Variants in PSD3 observed in about 807,000 individuals in gnomAD.
The protein encoded by PSD3 is PH and SEC7 domain-containing protein 3.
PSD3 carries 49 observed loss-of-function variants against 105.5 expected under a neutral mutation model. The observed-to-expected ratio is 0.46, with a 90% CI of 0.37 to 0.59. The LOEUF (loss-of-function observed/expected upper bound fraction) is 0.59. Among genes scored for constraint, PSD3 ranks in the 20% least tolerant of loss-of-function variants. The pLI is 0.00. For synonymous variants in PSD3, 557 were observed against 457.8 expected, an observed-to-expected ratio of 1.22 and a Z score of -2.77; for missense variants, 1,561 against 1,263.8, an observed-to-expected ratio of 1.24 and a Z score of -3.57.
chr8:18,680,933 A>G lies in PSD3; in HGVS notation c.2173-25248T>C, dbSNP rs147263836. On this transcript the variant is annotated intron_variant, in intron 9 of 15. Coordinates refer to ENST00000327040, the MANE Select transcript of PSD3 (RefSeq NM_015310.4). ...ACAGTCCTTTAACACTTTTTTTCAA[A>G]TGAATATGAATAAATCAGAGAACAA... 3.3e-3 allele frequency among the ~76,000 whole-genome samples: 507 copies of G among 152,312 alleles called. 1 individual carries two copies. Among genetic ancestry groups the G allele is most frequent in the African/African-American group, 0.012 (491 of 41,584 alleles).
chr8:18,559,801 G>T (rs1018356352), intron 14 of PSD3, among the ~76,000 whole-genome samples: 5 of 152,122 alleles, frequency 3.3e-5, no homozygotes, highest in African/African-American at 7.2e-5. Context: ...ATGACAATAT[G>T]TGCAACATCT....
Position 18,867,721 on chromosome 8 carries a change from G to C in PSD3, c.1587C>G (p.Ser529Arg), listed in dbSNP as rs375940177. 2 of 1,613,838 alleles carry C rather than the reference G, an allele frequency of 1.2e-6. No homozygotes were observed. The highest frequency in any genetic ancestry group is 2.7e-5 in the African/African-American group (2 of 74,872). ...GGGTGCCTTTCGTGTAGATGGAGTC[G>C]CTGGCATCATTCAGCCCATTGGTGA... ...SGVTNGLNDA[S>R]DSIYTKGTPE... The change falls in exon 4 of 16, where the codon AGC becomes AGG. Residue 529 changes from serine (S) to arginine (R), a missense_variant. By Grantham distance (110) the Ser-to-Arg change is moderately radical. Transcript: ENST00000327040.
intron 9 of PSD3, among the ~76,000 whole-genome samples, chr8:18,678,587 G>T (rs761451964): frequency 5.3e-5 from 8 of 152,202 alleles, no homozygotes; most frequent in African/African-American, 1.9e-4. Context: ...CTAAGTGGGC[G>T]GATCGCCTGA....
At chr8:18,646,948 A>T (rs1808081487) in intron 10 of PSD3, among the ~76,000 whole-genome samples, 3 of 152,210 alleles carry the variant, frequency 2.0e-5, no homozygotes, top group African/African-American at 4.8e-5. Flanking sequence ...TATTTAGGCC[A>T]TTGGGTTGAA....
intron 9 of PSD3, among the ~76,000 whole-genome samples, chr8:18,716,196 C>T (rs1795257417): frequency 6.6e-6 from 1 of 152,152 alleles, no homozygotes; most frequent in Admixed American, 6.5e-5. Context: ...CAAAGAAAAA[C>T]TTCAAGGCTG....
chr8:18,971,935 G>T (rs1040973047), intron 1 of PSD3, among the ~76,000 whole-genome samples: 1 of 152,076 alleles, frequency 6.6e-6, no homozygotes, highest in Non-Finnish European at 1.5e-5. Flanking sequence ...AGCCTGGGAG[G>T]CAGAGGTTGC....
At position 18,801,263 on chromosome 8, in the gene PSD3, A is replaced by G. The variant is rs753434287; in HGVS notation, c.2023+7T>C. 6.7e-7 allele frequency: 1 copy of G among 1,481,552 alleles called. No homozygotes were observed. Among genetic ancestry groups the G allele is most frequent in the South Asian group, 1.2e-5 (1 of 83,582 alleles). 91.8% of individuals were successfully genotyped at this position (1,481,552 alleles called of 1,614,324 possible). ...AAAAAGAAATTCAAGGATTTGTATC[A>G]GATTACCTTGTGAAGCAATGGTATC... On this transcript the variant is annotated splice_region_variant and intron_variant, in intron 7 of 15. Coordinates refer to ENST00000327040, the MANE Select transcript of PSD3 (RefSeq NM_015310.4).
chr8:18,687,061 G>C (rs927881002), intron 9 of PSD3, among the ~76,000 whole-genome samples: 1 of 152,168 alleles, frequency 6.6e-6, no homozygotes, highest in Non-Finnish European at 1.5e-5. Context: ...GGCCAAAACA[G>C]AACCTGGTGA....
chr8:18,720,343 T>C (rs1038831913), intron 9 of PSD3, among the ~76,000 whole-genome samples: 5 of 151,550 alleles, frequency 3.3e-5, no homozygotes, highest in African/African-American at 1.2e-4. Flanking sequence ...TTGGATTCTC[T>C]GAGCCTCTTA....
chr8:18,614,292 G>A (rs1805487205), intron 11 of PSD3, among the ~76,000 whole-genome samples: 5 of 151,858 alleles, frequency 3.3e-5, no homozygotes, highest in South Asian at 2.1e-4. Context: ...AGGCAAGTAC[G>A]TTGGTTTGTT....
intron 9 of PSD3, among the ~76,000 whole-genome samples, chr8:18,699,054 G>A (rs535839006): frequency 1.3e-4 from 20 of 152,134 alleles, no homozygotes; most frequent in Non-Finnish European, 1.5e-5. Flanking sequence ...ATGCCTGTTT[G>A]TCCACCTAAA....
chr8:18,933,738 G>T (rs892413541), intron 2 of PSD3, among the ~76,000 whole-genome samples: 1 of 152,204 alleles, frequency 6.6e-6, no homozygotes, highest in African/African-American at 2.4e-5. Flanking sequence ...AAAGTGTTGG[G>T]ATTAGAGGTG....
intron 1 of PSD3, among the ~76,000 whole-genome samples, chr8:18,966,027 A>G (rs1032818799): frequency 3.3e-5 from 5 of 152,238 alleles, no homozygotes; most frequent in African/African-American, 1.2e-4. Context: ...TTAATCTCCC[A>G]TATAAGATGG....
At chr8:19,013,824 G>A (rs1305178716), upstream of PSD3, 4 of 175,190 alleles carry the variant, frequency 2.3e-5, no homozygotes, top group African/African-American at 9.6e-5. Flanking sequence ...CGGCGGTGGC[G>A]GGCCCCGGGG....
intron 4 of PSD3, among the ~76,000 whole-genome samples, chr8:18,816,773 C>A (rs879336856): frequency 6.6e-6 from 1 of 152,184 alleles, no homozygotes; most frequent in South Asian, 2.1e-4. Flanking sequence ...TGTTACGACT[C>A]ACACACTGTT....
intron 12 of PSD3, among the ~76,000 whole-genome samples, chr8:18,599,246 G>C (rs1312805139): frequency 5.3e-5 from 8 of 152,066 alleles, no homozygotes; most frequent in Non-Finnish European, 1.2e-4. Context: ...ACAGAGCTCA[G>C]ACAAATTCAA....
At chr8:18,746,756 A>G (rs1367894002) in intron 9 of PSD3, among the ~76,000 whole-genome samples, 1 of 152,210 alleles carries the variant, frequency 6.6e-6, no homozygotes, top group African/African-American at 2.4e-5. Context: ...TAAATTACAA[A>G]ATACTTAATT....
chr8:18,578,105 C>T (rs1802573058), intron 12 of PSD3, among the ~76,000 whole-genome samples: 1 of 151,786 alleles, frequency 6.6e-6, no homozygotes, highest in African/African-American at 2.4e-5. Flanking sequence ...AATACAAGTC[C>T]AATGCCAATC....
rs149672816 is a variant in PSD3 at position 18,534,365 on chromosome 8, T to G, written c.*1378A>C. On this transcript the variant is annotated 3_prime_UTR_variant, in exon 16 of 16. Coordinates refer to ENST00000327040, the MANE Select transcript of PSD3 (RefSeq NM_015310.4). ...TCTCAGTGGGCTAAACTTTCACTCC[T>G]TTCTCTTCCTCTACAGAAGAATATT... 7 of 152,740 alleles carry G rather than the reference T, an allele frequency of 4.6e-5. No homozygotes were observed. The highest frequency in any genetic ancestry group is 2.6e-4 in the Admixed American group (4 of 15,302). 9.5% of individuals were successfully genotyped at this position (152,740 alleles called of 1,614,324 possible).
Sources: allele counts gnomAD v4.1 joint callset (sites outside exome capture counted in the v4.1 genomes callset), GRCh38; gene constraint gnomAD v4.1.1; transcripts MANE v1.5; gene names NCBI Gene and HGNC (gene_info 2026-07-23, HGNC 2026-07-21).